GABRG3: variants seen among roughly 807,000 people sequenced by gnomAD.
GABRG3 encodes the protein gamma-aminobutyric acid receptor subunit gamma-3.
Under a neutral mutation model 48.8 loss-of-function variants are expected in GABRG3, and 25 were observed. The ratio of observed to expected loss-of-function variants is 0.51; its 90% CI spans 0.37 to 0.72. The LOEUF (loss-of-function observed/expected upper bound fraction) is 0.72, where lower values mean the gene tolerates loss of function less well. Ranked by LOEUF, GABRG3 falls within the 30% of genes least tolerant of loss-of-function variation. The pLI is 0.00. For synonymous variants in GABRG3, 227 were observed against 217.6 expected, an observed-to-expected ratio of 1.04 and a Z score of -0.38; for missense variants, 394 against 577.9, an observed-to-expected ratio of 0.68 and a Z score of 3.26.
intron 3 of GABRG3, among the ~76,000 whole-genome samples, chr15:27,253,684 C>T (rs1029688466): frequency 6.6e-6 from 1 of 152,244 alleles, no homozygotes; most frequent in East Asian, 1.9e-4. Flanking sequence ...TTTCCCATTC[C>T]GCAGGAGCTT....
At chr15:27,100,704 A>T (rs1051912212) in intron 3 of GABRG3, among the ~76,000 whole-genome samples, 1 of 152,230 alleles carries the variant, frequency 6.6e-6, no homozygotes, top group Non-Finnish European at 1.5e-5. Context: ...CCACCATATT[A>T]CAGGCAAAAG....
intron 2 of GABRG3, among the ~76,000 whole-genome samples, chr15:27,004,082 C>T (rs1895526440): frequency 1.3e-5 from 2 of 148,446 alleles, no homozygotes; most frequent in African/African-American, 5.0e-5. Flanking sequence ...GGGGGCTGAC[C>T]CCCCTACCTC....
At chr15:27,185,504 G>T (rs1888065256) in intron 3 of GABRG3, among the ~76,000 whole-genome samples, 1 of 152,142 alleles carries the variant, frequency 6.6e-6, no homozygotes, top group Non-Finnish European at 1.5e-5. Flanking sequence ...AGAAAATGTG[G>T]ATTCCAATGT....
At chr15:27,129,459 C>G (rs928323280) in intron 3 of GABRG3, among the ~76,000 whole-genome samples, 2 of 152,152 alleles carry the variant, frequency 1.3e-5, no homozygotes, top group African/African-American at 4.8e-5. Flanking sequence ...TAGATGGACA[C>G]CTGTGTTGCT....
intron 3 of GABRG3, among the ~76,000 whole-genome samples, chr15:27,222,664 T>C (rs1889489350): frequency 6.6e-6 from 1 of 151,870 alleles, no homozygotes; most frequent in Admixed American, 6.6e-5. Flanking sequence ...TCTGTGCCCA[T>C]GAGTGTGATT....
At chr15:27,305,481 G>C (rs1050392673) in intron 3 of GABRG3, among the ~76,000 whole-genome samples, 2 of 147,632 alleles carry the variant, frequency 1.4e-5, no homozygotes, top group Non-Finnish European at 3.0e-5. Flanking sequence ...TGTGTGGTCT[G>C]TGTGTTTTTT....
At chr15:27,489,553 T>C (rs1890298957) in intron 6 of GABRG3, among the ~76,000 whole-genome samples, 1 of 152,236 alleles carries the variant, frequency 6.6e-6, no homozygotes, top group African/African-American at 2.4e-5. Flanking sequence ...TTCCTGACTT[T>C]TTAATGATCA....
intron 3 of GABRG3, among the ~76,000 whole-genome samples, chr15:27,305,676 T>G (rs1215766367): frequency 2.7e-4 from 28 of 105,384 alleles, no homozygotes; most frequent in African/African-American, 9.5e-4. Flanking sequence ...TAAACCTATA[T>G]GTTTATATAT....
At chr15:27,321,267 C>G (rs915099265) in intron 3 of GABRG3, among the ~76,000 whole-genome samples, 1 of 152,196 alleles carries the variant, frequency 6.6e-6, no homozygotes, top group Admixed American at 6.5e-5. Context: ...TTATGTAAAT[C>G]TAGCACAGTG....
intron 5 of GABRG3, among the ~76,000 whole-genome samples, chr15:27,395,454 A>C (rs1887271634): frequency 6.6e-6 from 1 of 152,244 alleles, no homozygotes; most frequent in Non-Finnish European, 1.5e-5. Flanking sequence ...AAAAAAGAAC[A>C]AATCTTGAAA....
chr15:27,412,048 G>A (rs1387139579), intron 5 of GABRG3, among the ~76,000 whole-genome samples: 1 of 151,930 alleles, frequency 6.6e-6, no homozygotes, highest in Non-Finnish European at 1.5e-5. Context: ...GGGCAGGTCT[G>A]CTGCCATTTT....
At chr15:27,407,262 C>T (rs1410783337) in intron 5 of GABRG3, among the ~76,000 whole-genome samples, 1 of 152,132 alleles carries the variant, frequency 6.6e-6, no homozygotes, top group Non-Finnish European at 1.5e-5. Context: ...AATTGGCTGC[C>T]ACTTACTACA....
chr15:27,307,391 C>CATATAGGTTTATATATTCATATATAAA lies in GABRG3; in HGVS notation c.271-19418_271-19417insATATAGGTTTATATATTCATATATAAA, dbSNP rs1566771063. ...TATAGGTTTATATATTTATATATAACCATATAGGTTTATATATTTATATAT... is the reference window on the plus strand; with the variant it reads ...TATAGGTTTATATATTTATATATAACATATAGGTTTATATATTCATATATAAACATATAGGTTTATATATTTATATAT... On this transcript the variant is annotated intron_variant, in intron 3 of 9. Coordinates refer to ENST00000615808, the MANE Select transcript of GABRG3 (RefSeq NM_033223.5). Among the ~76,000 whole-genome samples the CATATAGGTTTATATATTCATATATAAA allele has an allele frequency of 1.7e-4, 2 of 11,764 alleles. 1 individual carries two copies. The highest frequency in any genetic ancestry group is 4.7e-4 in the Non-Finnish European group (2 of 4,274). 7.7% of individuals were successfully genotyped at this position (11,764 alleles called of 152,430 possible). A position where few individuals can be genotyped will look rare whatever the true frequency, so the allele number is the denominator to read the frequency against.
chr15:27,376,971 G>C (rs1239284219), intron 5 of GABRG3, among the ~76,000 whole-genome samples: 1 of 152,078 alleles, frequency 6.6e-6, no homozygotes, highest in Non-Finnish European at 1.5e-5. Context: ...TTTTAAAACT[G>C]AATGCCTTTG....
At chr15:27,254,315 C>T (rs991373485) in intron 3 of GABRG3, among the ~76,000 whole-genome samples, 20 of 152,048 alleles carry the variant, frequency 1.3e-4, no homozygotes, top group African/African-American at 4.1e-4. Flanking sequence ...CTCGAGAAGG[C>T]GCAGGGGAGA....
chr15:27,254,635 G>A (rs1388358622), intron 3 of GABRG3, among the ~76,000 whole-genome samples: 1 of 152,066 alleles, frequency 6.6e-6, no homozygotes, highest in Non-Finnish European at 1.5e-5. Flanking sequence ...ACCTCACATG[G>A]TGGAAAGGAC....
At position 27,489,821 on chromosome 15, in the gene GABRG3, C is replaced by G. The variant is rs148006261; in HGVS notation, c.712+9034C>G. Among the ~76,000 whole-genome samples the G allele has an allele frequency of 4.1e-3, 631 of 152,204 alleles. 6 individuals carry two copies. Among genetic ancestry groups the G allele is most frequent in the African/African-American group, 0.014 (601 of 41,522 alleles). On this transcript the variant is annotated intron_variant, in intron 6 of 9. Coordinates refer to ENST00000615808, the MANE Select transcript of GABRG3 (RefSeq NM_033223.5). ...AAAAATTTCCTCCCATTCTATAGGT[C>G]GCCTGTTCATTCTGATGATAGTTTC...
chr15:27,341,965 C>T (rs974249152), intron 5 of GABRG3, among the ~76,000 whole-genome samples: 4 of 152,230 alleles, frequency 2.6e-5, no homozygotes, highest in Non-Finnish European at 4.4e-5. Context: ...TCAGAGATGT[C>T]TGAGAATGTT....
At chr15:27,322,941 G>A (rs142533750) in intron 3 of GABRG3, among the ~76,000 whole-genome samples, 164 of 152,242 alleles carry the variant, frequency 1.1e-3, no homozygotes, top group African/African-American at 3.7e-3. Flanking sequence ...GAATCCAGTC[G>A]CCTGGCACAG....
Sources: allele counts gnomAD v4.1 joint callset (sites outside exome capture counted in the v4.1 genomes callset), GRCh38; gene constraint gnomAD v4.1.1; transcripts MANE v1.5; gene names NCBI Gene and HGNC (gene_info 2026-07-23, HGNC 2026-07-21).